The following NFXL1 variants were observed in gnomAD, a reference collection of about 807,000 sequenced individuals.
The protein encoded by NFXL1 is NF-X1-type zinc finger protein NFXL1.
In NFXL1, 66 loss-of-function variants were observed where a neutral mutation model predicts 123.3. That is an observed-to-expected ratio of 0.54 (90% confidence interval 0.44 to 0.66). The LOEUF (loss-of-function observed/expected upper bound fraction) is 0.66. Among genes scored for constraint, NFXL1 ranks in the 30% least tolerant of loss-of-function variants. The probability of loss-of-function intolerance (pLI) is 0.00; values close to 1 mark genes in which losing one functional copy is unlikely to be tolerated. For synonymous variants in NFXL1, 346 were observed against 360.8 expected, an observed-to-expected ratio of 0.96 and a Z score of 0.46; for missense variants, 944 against 1,125.6, an observed-to-expected ratio of 0.84 and a Z score of 2.31.
chr4:47,859,591 C>T (rs1577989512), intron 19 of NFXL1, among the ~76,000 whole-genome samples: 1 of 152,002 alleles, frequency 6.6e-6, no homozygotes, highest in Middle Eastern at 3.4e-3. Flanking sequence ...GCCTGTAATC[C>T]CAGCACTTTG....
chr4:47,864,682 G>A (rs73814603), intron 18 of NFXL1, among the ~76,000 whole-genome samples: 3 of 152,230 alleles, frequency 2.0e-5, no homozygotes, highest in African/African-American at 7.2e-5. Context: ...GATAGGGTAC[G>A]AAAAGCTTAT....
intron 19 of NFXL1, among the ~76,000 whole-genome samples, chr4:47,861,919 T>C (rs1734792272): frequency 6.6e-6 from 1 of 152,220 alleles, no homozygotes; most frequent in Non-Finnish European, 1.5e-5. Context: ...ATTTAACACT[T>C]AGTTGTCATC....
Position 47,914,162 on chromosome 4 carries a change from T to A in NFXL1, c.42A>T (p.Arg14=), listed in dbSNP as rs931887282. Reference sequence around the variant, plus strand: ...GGGCGGCAGTGGCCCGTCCCCGGGATCGGCCTCGGCCACCGGCCACCTGGC... The same window carrying A: ...GGGCGGCAGTGGCCCGTCCCCGGGAACGGCCTCGGCCACCGGCCACCTGGC... The part of the protein sequence containing the change: ...SWRQVAGGRG[R]SRGRATAAPS... The change falls in exon 2 of 23, where the codon CGA becomes CGT. Residue 14 remains arginine, a synonymous_variant. Coordinates refer to ENST00000507489, the MANE Select transcript of NFXL1 (RefSeq NM_001278624.2). The A allele has an allele frequency of 1.3e-6, 2 of 1,530,892 alleles. No individual in the cohort carries two copies. The highest frequency in any genetic ancestry group is 1.8e-6 in the Non-Finnish European group (2 of 1,136,944). The allele number at this position is 1,530,892 out of a possible 1,614,324, so 94.8% of individuals were successfully genotyped here.
chr4:47,851,547 G>A (rs887078968), intron 21 of NFXL1, among the ~76,000 whole-genome samples: 8 of 152,054 alleles, frequency 5.3e-5, no homozygotes, highest in Non-Finnish European at 1.0e-4. Context: ...TATCATGGAA[G>A]GGAATCCTTA....
At chr4:47,906,979 G>A (rs2110106819) in intron 3 of NFXL1, among the ~76,000 whole-genome samples, 1 of 152,322 alleles carries the variant, frequency 6.6e-6, no homozygotes, top group South Asian at 2.1e-4. Context: ...AGCAAAAAAT[G>A]ACTTTGAGCA....
rs1733929386 is a variant in NFXL1, at chr4:47,848,355, A to G, written c.2563-19T>C. Reference sequence around the variant, plus strand: ...GTTCAGCCTAAATAAAAACAGCATCATTTTAATTAAATTCAATGCATACAT... The same window carrying G: ...GTTCAGCCTAAATAAAAACAGCATCGTTTTAATTAAATTCAATGCATACAT... On this transcript the variant is annotated intron_variant, in intron 22 of 22. Transcript: ENST00000507489. 2 of 1,565,754 alleles carry G rather than the reference A, an allele frequency of 1.3e-6. No homozygotes were observed. Among genetic ancestry groups the G allele is most frequent in the African/African-American group, 1.4e-5 (1 of 72,944 alleles).
intron 2 of NFXL1, among the ~76,000 whole-genome samples, chr4:47,913,694 T>C (rs777899999): frequency 9.2e-5 from 14 of 152,102 alleles, no homozygotes; most frequent in Non-Finnish European, 1.5e-4. Flanking sequence ...CGGGCCACAA[T>C]TTACAACTGA....
chr4:47,861,637 CA>C (rs1734774430), intron 19 of NFXL1, among the ~76,000 whole-genome samples: 1 of 151,188 alleles, frequency 6.6e-6, no homozygotes, highest in Admixed American at 6.6e-5. Flanking sequence ...TTTATTTTAA[CA>C]AGGGAAGTTC....
In NFXL1 at chr4:47,914,124, C is replaced by A. The variant is rs1323069347; in HGVS notation, c.80G>T (p.Gly27Val). The change falls in exon 2 of 23, where the codon GGA becomes GTA. Residue 27 changes from glycine (G) to valine (V), a missense_variant. Transcript: ENST00000507489. ...TCCTCCGGCGCCGCGGAGATGGACT[C>A]CATTTCCTGAGGGGGCGGCAGTGGC... ...GRATAAPSGN[G>V]VHLRGAGGGR... is the part of the protein sequence containing the mutation. 1 of 1,554,092 alleles carries A rather than the reference C, an allele frequency of 6.4e-7. No homozygotes were observed. The highest frequency in any genetic ancestry group is 1.4e-5 in the African/African-American group (1 of 73,300).
At chr4:47,911,414 G>A (rs937389549) in intron 2 of NFXL1, among the ~76,000 whole-genome samples, 1 of 152,168 alleles carries the variant, frequency 6.6e-6, no homozygotes, top group Non-Finnish European at 1.5e-5. Context: ...AGGGAAGGTA[G>A]GTATTTCAAA....
intron 17 of NFXL1, among the ~76,000 whole-genome samples, chr4:47,876,011 C>T (rs1430484313): frequency 3.3e-5 from 5 of 151,956 alleles, no homozygotes; most frequent in East Asian, 1.9e-4. Flanking sequence ...AATAAGAGAG[C>T]TATAGACATG....
At chr4:47,904,959 A>G (rs1018541204) in intron 4 of NFXL1, among the ~76,000 whole-genome samples, 2 of 152,216 alleles carry the variant, frequency 1.3e-5, no homozygotes, top group Non-Finnish European at 2.9e-5. Flanking sequence ...GGGAATCTCT[A>G]AAGTACAGAT....
intron 3 of NFXL1, 53 bp downstream of exon 3, chr4:47,910,771 G>T: frequency 8.6e-7 from 1 of 1,169,058 alleles, no homozygotes; most frequent in Non-Finnish European, 1.2e-6. Context: ...CCAAAAAAAT[G>T]TCAGGAATAC....
In NFXL1 at chr4:47,898,975, T is replaced by C; in HGVS notation, c.972A>G (p.Glu324=). The change falls in exon 7 of 23, where the codon GAA becomes GAG. Residue 324 remains glutamate (E), a synonymous_variant. Transcript: ENST00000507489. ...GCCTTTTACCTGCATGACAAGGATTTTCACACTTATGTTGCCCACAAAGCA... is the reference window on the plus strand; with the variant it reads ...GCCTTTTACCTGCATGACAAGGATTCTCACACTTATGTTGCCCACAAAGCA... ...QKLLCGQHKC[E]NPCHAGSCQP... 2 of 1,614,066 alleles carry C rather than the reference T, an allele frequency of 1.2e-6. No individual in the cohort carries two copies. The highest frequency in any genetic ancestry group is 1.7e-6 in the Non-Finnish European group (2 of 1,179,996).
At chr4:47,852,109 A>C in intron 20 of NFXL1, 167 bp from the exon 21 acceptor site, 1 of 457,438 alleles carries the variant, frequency 2.2e-6, no homozygotes, top group South Asian at 4.5e-5. Context: ...TCAAATAGTG[A>C]TTACTTGCTT....
intron 11 of NFXL1, among the ~76,000 whole-genome samples, chr4:47,891,786 A>C (rs1225125131): frequency 2.0e-5 from 3 of 152,164 alleles, no homozygotes; most frequent in African/African-American, 7.2e-5. Flanking sequence ...ATTCTCAAAA[A>C]TTAGCCAGGC....
chr4:47,897,366 T>C (rs1168380489), intron 9 of NFXL1, among the ~76,000 whole-genome samples: 1 of 152,140 alleles, frequency 6.6e-6, no homozygotes, highest in Non-Finnish European at 1.5e-5. Flanking sequence ...CATAAACATA[T>C]TGTGACAAGT....
intron 15 of NFXL1, among the ~76,000 whole-genome samples, chr4:47,880,889 C>T (rs1007887161): frequency 4.0e-5 from 6 of 148,208 alleles, no homozygotes; most frequent in Admixed American, 1.3e-4. Context: ...CATGTTCTCA[C>T]ATGTAGAAGC....
intron 3 of NFXL1, among the ~76,000 whole-genome samples, chr4:47,909,348 C>G (rs1737719495): frequency 6.6e-6 from 1 of 152,148 alleles, no homozygotes; most frequent in Non-Finnish European, 1.5e-5. Context: ...CTAGTCTCCT[C>G]AGAATTTTCC....
Sources: gnomAD v4.1 joint callset for allele counts (sites outside exome capture counted in the v4.1 genomes callset) on GRCh38, gnomAD v4.1.1 for gene constraint, MANE v1.5 for transcripts, NCBI Gene and HGNC (gene_info 2026-07-23, HGNC 2026-07-21) for gene names.